Variants in NAT1 observed in about 807,000 individuals in gnomAD.
The protein encoded by NAT1 is N-acetyltransferase 1, also known as arylamine N-acetyltransferase 1.
For missense variants in NAT1, 400 were observed against 339.2 expected (o/e 1.18, Z -1.41); for synonymous variants, 144 against 122.6 (o/e 1.17, Z -1.16).
intron 2 of NAT1, among the ~76,000 whole-genome samples, chr8:18,190,434 G>T (rs1462151878): frequency 6.6e-6 from 1 of 152,230 alleles, no homozygotes; most frequent in African/African-American, 2.4e-5. Flanking sequence ...TCACTCTAGT[G>T]ATCATCTTTG....
upstream of NAT1, among the ~76,000 whole-genome samples, chr8:18,208,679 G>C (rs1349420343): frequency 6.6e-6 from 1 of 152,186 alleles, no homozygotes; most frequent in African/African-American, 2.4e-5. Context: ...GAAGTAAAAG[G>C]AATGTTAGTG....
chr8:18,222,340 C>A lies in NAT1; in HGVS notation c.293C>A (p.Ala98Asp). The A allele has an allele frequency of 6.2e-7, 1 of 1,613,998 alleles. No individual in the cohort carries two copies. The highest frequency in any genetic ancestry group is 8.5e-7 in the Non-Finnish European group (1 of 1,179,978). ...MLGGYVYSTP[A>D]KKYSTGMIHL... Reference sequence around the variant, plus strand: ...GGAGGGTATGTTTACAGCACTCCAGCCAAAAAATACAGCACTGGCATGATT... The same window carrying A: ...GGAGGGTATGTTTACAGCACTCCAGACAAAAAATACAGCACTGGCATGATT... Residue 98 changes from alanine (A) to aspartate (D), a missense_variant, in exon 3 of 3, where the codon GCC becomes GAC. Transcript: ENST00000307719.
rs1331307107 is a variant in NAT1 at position 18,223,681 on chromosome 8, G to GCCCCCC, written c.*763_*768dup. ...TAAAAGTTATTGTTCCATCTTGCTT[G>GCCCCCC]CCCCCCCACCCCTGTCATCTGCCTG... On this transcript the variant is annotated 3_prime_UTR_variant, in exon 3 of 3. Transcript: ENST00000307719. The GCCCCCC allele has an allele frequency of 6.3e-6, 1 of 159,166 alleles. No homozygotes were observed. The highest frequency in any genetic ancestry group is 2.5e-5 in the African/African-American group (1 of 40,180). 9.9% of individuals were successfully genotyped at this position (159,166 alleles called of 1,614,324 possible).
chr8:18,210,677 C>T (rs1748139920), intron 1 of NAT1, among the ~76,000 whole-genome samples: 1 of 152,226 alleles, frequency 6.6e-6, no homozygotes, highest in Non-Finnish European at 1.5e-5. Flanking sequence ...GTAATAATTC[C>T]TGCTCCTCTT....
intron 2 of NAT1, among the ~76,000 whole-genome samples, chr8:18,199,739 A>T (rs1434463972): frequency 6.6e-6 from 1 of 152,186 alleles, no homozygotes; most frequent in Non-Finnish European, 1.5e-5. Context: ...AGTAGCTCAT[A>T]GCATTTACAA....
intron 2 of NAT1, among the ~76,000 whole-genome samples, chr8:18,183,236 G>A (rs942729862): frequency 1.3e-5 from 2 of 152,090 alleles, no homozygotes; most frequent in Non-Finnish European, 2.9e-5. Context: ...TAAGTGCTCT[G>A]CCATCATGAT....
In NAT1 at chr8:18,222,308, G is replaced by A. The variant is rs368205381; in HGVS notation, c.261G>A (p.Thr87=). ...WALTTIGFET[T]MLGGYVYSTP... is the part of the protein sequence containing the mutation. ...TGACCACTATTGGTTTTGAGACCACGATGTTGGGAGGGTATGTTTACAGCA... is the reference window on the plus strand; with the variant it reads ...TGACCACTATTGGTTTTGAGACCACAATGTTGGGAGGGTATGTTTACAGCA... Residue 87 remains threonine, a synonymous_variant, in exon 3 of 3, where the codon ACG becomes ACA. Coordinates refer to ENST00000307719, the MANE Select transcript of NAT1 (RefSeq NM_000662.8). The A allele has an allele frequency of 3.5e-5, 57 of 1,613,946 alleles. No individual in the cohort carries two copies. The highest frequency in any genetic ancestry group is 4.5e-5 in the Non-Finnish European group (53 of 1,179,996).
Position 18,184,501 on chromosome 8 carries a change from T to C in NAT1, n.92+13762T>C, listed in dbSNP as rs543632190. Among the ~76,000 whole-genome samples the C allele has an allele frequency of 3.3e-5, 5 of 152,348 alleles. No individual in the cohort carries two copies. The East Asian group carries it at 9.6e-4, about 29-fold the overall frequency. On this transcript the variant is annotated intron_variant and non_coding_transcript_variant, in intron 2 of 4. Transcript: ENST00000517441. ...TGATGAGTAACACTTGGCTTTCTTT[T>C]ATCCATTTAATCTACAAATTACTGG...
intron 2 of NAT1, among the ~76,000 whole-genome samples, chr8:18,175,882 CT>C (rs1204941762): frequency 6.6e-6 from 1 of 152,072 alleles, no homozygotes; most frequent in East Asian, 1.9e-4. Context: ...TATCATTCCT[CT>C]TTTGGATAAT....
upstream of NAT1, among the ~76,000 whole-genome samples, chr8:18,205,199 C>G (rs964148902): frequency 3.3e-5 from 5 of 152,198 alleles, no homozygotes; most frequent in African/African-American, 1.2e-4. Flanking sequence ...GTAGGTTGCA[C>G]GCTTGTCAGC....
intron 2 of NAT1, among the ~76,000 whole-genome samples, chr8:18,174,972 G>T (rs1802233399): frequency 6.6e-6 from 1 of 152,126 alleles, no homozygotes; most frequent in South Asian, 2.1e-4. Flanking sequence ...GTACAACGCT[G>T]TGTTGATCTT....
chr8:18,184,579 A>G (rs1453838471), intron 2 of NAT1, among the ~76,000 whole-genome samples: 3 of 152,224 alleles, frequency 2.0e-5, no homozygotes, highest in Non-Finnish European at 4.4e-5. Context: ...ATACATAATA[A>G]TCAAGAATAA....
intron 2 of NAT1, among the ~76,000 whole-genome samples, chr8:18,191,323 T>A (rs1802981257): frequency 6.6e-6 from 1 of 152,142 alleles, no homozygotes; most frequent in Admixed American, 6.5e-5. Context: ...CTTAGTGGTG[T>A]TTTTAGTTTA....
chr8:18,204,041 C>T (rs1803593739), intron 2 of NAT1, among the ~76,000 whole-genome samples: 1 of 152,156 alleles, frequency 6.6e-6, no homozygotes, highest in African/African-American at 2.4e-5. Flanking sequence ...TCCGCACGCA[C>T]TATGTAGACG....
At chr8:18,197,469 C>T (rs943258716) in intron 2 of NAT1, among the ~76,000 whole-genome samples, 1 of 152,068 alleles carries the variant, frequency 6.6e-6, no homozygotes, top group Non-Finnish European at 1.5e-5. Flanking sequence ...TGGTTGTTAC[C>T]ACTAGGTAGT....
At chr8:18,170,624 T>C (rs1258808248) in intron 1 of NAT1, 1 of 152,192 alleles carries the variant, frequency 6.6e-6, no homozygotes, top group Non-Finnish European at 1.5e-5. Flanking sequence ...AGAATCCTTT[T>C]CTTGCTCAAA....
chr8:18,211,876 T>A (rs1804144094), intron 1 of NAT1, among the ~76,000 whole-genome samples: 1 of 152,306 alleles, frequency 6.6e-6, no homozygotes, highest in African/African-American at 2.4e-5. Context: ...TTGGCTCTCC[T>A]TGTAATTCTT....
chr8:18,209,644 A>C (rs1803893377), upstream of NAT1: 1 of 152,234 alleles, frequency 6.6e-6, no homozygotes, highest in Non-Finnish European at 1.5e-5. Flanking sequence ...TCAGGTAGAG[A>C]GGCCAGTGGG....
intron 2 of NAT1, among the ~76,000 whole-genome samples, chr8:18,203,464 C>CAA (rs1803564410): frequency 6.6e-6 from 1 of 152,176 alleles, no homozygotes; most frequent in Admixed American, 6.5e-5. Flanking sequence ...TTTAAGGTCA[C>CAA]AAATGTTGCT....
Sources: allele counts gnomAD v4.1 joint callset (sites outside exome capture counted in the v4.1 genomes callset), GRCh38; gene constraint gnomAD v4.1.1; transcripts MANE v1.5; gene names NCBI Gene and HGNC (gene_info 2026-07-23, HGNC 2026-07-21).